Variants in GAS7 observed in about 807,000 individuals in gnomAD.
GAS7 encodes growth arrest-specific protein 7.
Under a neutral mutation model 71.1 loss-of-function variants are expected in GAS7, and 28 were observed. The observed-to-expected ratio is 0.39, with a 90% CI of 0.29 to 0.54. The LOEUF is 0.54. Ranked by LOEUF, GAS7 falls within the 20% of genes least tolerant of loss-of-function variation. The probability of loss-of-function intolerance (pLI) is 0.62; values close to 1 mark genes in which losing one functional copy is unlikely to be tolerated. For missense variants in GAS7, 436 were observed against 627.8 expected, an observed-to-expected ratio of 0.69 and a Z score of 3.27; for synonymous variants, 258 against 245.8, an observed-to-expected ratio of 1.05 and a Z score of -0.46.
chr17:9,992,129 G>C (rs1206419517), intron 2 of GAS7, among the ~76,000 whole-genome samples: 1 of 152,156 alleles, frequency 6.6e-6, no homozygotes, highest in Non-Finnish European at 1.5e-5. Context: ...ATAGTCCATA[G>C]CAGGACGGTC....
intron 1 of GAS7, among the ~76,000 whole-genome samples, chr17:10,131,917 A>C (rs1886839660): frequency 6.6e-6 from 1 of 152,176 alleles, no homozygotes; most frequent in Non-Finnish European, 1.5e-5. Flanking sequence ...TAAATGTATA[A>C]AAATGTACTG....
At chr17:9,934,089 T>G (rs2152083417) in intron 9 of GAS7, 77 bp downstream of exon 9, 2 of 975,762 alleles carry the variant, frequency 2.0e-6, no homozygotes, top group East Asian at 4.8e-5. Context: ...AACGGCAAAC[T>G]GGAGAGACAG....
At chr17:10,196,164 C>T (rs925414261) in intron 1 of GAS7, among the ~76,000 whole-genome samples, 25 of 152,296 alleles carry the variant, frequency 1.6e-4, no homozygotes, top group African/African-American at 3.8e-4. Context: ...TTCGCTCACA[C>T]GCTGTTTGGC....
At chr17:9,951,881 C>A (rs545210537) in intron 5 of GAS7, among the ~76,000 whole-genome samples, 7 of 152,080 alleles carry the variant, frequency 4.6e-5, no homozygotes, top group South Asian at 4.2e-4. Context: ...TTGTTCCCCC[C>A]AGAATCTTCC....
intron 4 of GAS7, among the ~76,000 whole-genome samples, chr17:9,965,702 G>A (rs1054084039): frequency 4.6e-5 from 7 of 152,110 alleles, no homozygotes; most frequent in Non-Finnish European, 7.3e-5. Context: ...AAGATGATTC[G>A]CCTTTGATCC....
At chr17:10,021,252 C>T (rs1385210475) in intron 1 of GAS7, among the ~76,000 whole-genome samples, 1 of 152,196 alleles carries the variant, frequency 6.6e-6, no homozygotes. Flanking sequence ...TCAGTATCCC[C>T]CAGCTGTGCC....
intron 5 of GAS7, among the ~76,000 whole-genome samples, chr17:9,955,584 G>A (rs1197970871): frequency 6.6e-6 from 1 of 152,198 alleles, no homozygotes; most frequent in African/African-American, 2.4e-5. Flanking sequence ...GCATGGAATA[G>A]GTGGACCCAG....
At chr17:10,063,788 C>T (rs2073246235) in intron 1 of GAS7, among the ~76,000 whole-genome samples, 1 of 152,186 alleles carries the variant, frequency 6.6e-6, no homozygotes, top group African/African-American at 2.4e-5. Flanking sequence ...TATGGCTCCA[C>T]CCTGGGTCAC....
chr17:10,088,253 T>TAAA (rs951640103), intron 1 of GAS7, among the ~76,000 whole-genome samples: 6 of 146,332 alleles, frequency 4.1e-5, no homozygotes, highest in African/African-American at 1.5e-4. Context: ...ATAATAATAA[T>TAAA]AATAAATATG....
At chr17:10,012,950 A>G (rs1034272498) in intron 2 of GAS7, among the ~76,000 whole-genome samples, 2 of 152,018 alleles carry the variant, frequency 1.3e-5, no homozygotes, top group African/African-American at 4.8e-5. Flanking sequence ...AAAAATACAA[A>G]AAATTAGCCG....
intron 2 of GAS7, among the ~76,000 whole-genome samples, chr17:10,012,536 C>T (rs1479060546): frequency 6.6e-6 from 1 of 152,206 alleles, no homozygotes; most frequent in East Asian, 1.9e-4. Context: ...GATCTGCCCA[C>T]CTCGGCTTCC....
chr17:9,999,126 G>C (rs1567872509), intron 2 of GAS7, among the ~76,000 whole-genome samples: 1 of 152,174 alleles, frequency 6.6e-6, no homozygotes, highest in Non-Finnish European at 1.5e-5. Context: ...TTTTGTTGCT[G>C]TTTTCTGAGA....
intron 1 of GAS7, among the ~76,000 whole-genome samples, chr17:10,119,479 C>T (rs1408814898): frequency 2.0e-5 from 3 of 152,214 alleles, no homozygotes; most frequent in Non-Finnish European, 4.4e-5. Context: ...GGGATTCCTA[C>T]GACCATGCCA....
chr17:10,190,269 A>T (rs2142153335), intron 1 of GAS7, among the ~76,000 whole-genome samples: 1 of 152,284 alleles, frequency 6.6e-6, no homozygotes, highest in African/African-American at 2.4e-5. Context: ...TGCCAACGCA[A>T]GTTAAGAAGG....
chr17:9,975,175 T>C (rs920401966), intron 3 of GAS7, among the ~76,000 whole-genome samples: 3 of 152,060 alleles, frequency 2.0e-5, no homozygotes, highest in Non-Finnish European at 4.4e-5. Flanking sequence ...CCTAACATGG[T>C]GAAACCCCAT....
intron 2 of GAS7, among the ~76,000 whole-genome samples, chr17:9,988,087 G>A (rs757502697): frequency 1.3e-5 from 2 of 152,234 alleles, no homozygotes; most frequent in Non-Finnish European, 2.9e-5. Flanking sequence ...GATTCCTGCA[G>A]TCTTCTCCTC....
chr17:10,079,513 T>C (rs1264132157), intron 1 of GAS7, among the ~76,000 whole-genome samples: 1 of 152,236 alleles, frequency 6.6e-6, no homozygotes, highest in Admixed American at 6.5e-5. Context: ...ATCTAAATGA[T>C]GAAACTTTGG....
intron 1 of GAS7, among the ~76,000 whole-genome samples, chr17:10,172,324 C>T (rs1445812732): frequency 6.6e-6 from 1 of 152,228 alleles, no homozygotes; most frequent in Non-Finnish European, 1.5e-5. Context: ...CCTTCCTCTG[C>T]CGCATGTCCG....
chr17:10,043,039 T>C (rs1219015920), intron 1 of GAS7, among the ~76,000 whole-genome samples: 2 of 152,182 alleles, frequency 1.3e-5, no homozygotes, highest in Non-Finnish European at 2.9e-5. Flanking sequence ...TGGAGGCATC[T>C]GCTCAGAGAT....
Sources: allele counts gnomAD v4.1 joint callset (sites outside exome capture counted in the v4.1 genomes callset), GRCh38; gene constraint gnomAD v4.1.1; transcripts MANE v1.5; gene names NCBI Gene and HGNC (gene_info 2026-07-23, HGNC 2026-07-21).